Variants in DMD observed in about 807,000 individuals in gnomAD.
DMD encodes dystrophin.
A neutral mutation model predicts 330.1 loss-of-function variants in DMD; 63 were observed. That is an observed-to-expected ratio of 0.19 (90% CI 0.16 to 0.24). The LOEUF is 0.24. Ranked by LOEUF, DMD falls within the 10% of genes least tolerant of loss-of-function variation. The pLI is 1.00. For synonymous variants in DMD, 1,223 were observed against 959.8 expected (o/e 1.27, Z -5.07); for missense variants, 3,344 against 2,684.1 (o/e 1.25, Z -5.43).
At chrX:32,105,489 T>A (rs1383405157) in intron 44 of DMD, among the ~76,000 whole-genome samples, 1 of 112,250 alleles carries the variant, frequency 8.9e-6, no homozygotes, top group African/African-American at 3.2e-5. Flanking sequence ...GGTTTTAATT[T>A]GAGTTATTTC....
intron 1 of DMD, among the ~76,000 whole-genome samples, chrX:33,176,486 A>G (rs2049661275): frequency 9.0e-6 from 1 of 110,812 alleles, no homozygotes; most frequent in African/African-American, 3.3e-5. Context: ...ATGAAATAAA[A>G]GCTTCGGCTT....
intron 63 of DMD, among the ~76,000 whole-genome samples, chrX:31,243,176 T>C (rs1320142187): frequency 1.8e-5 from 2 of 112,384 alleles, no homozygotes; most frequent in African/African-American, 6.4e-5. Context: ...ATCTATGGTA[T>C]ACATGAGTCT....
chrX:32,746,532 A>G (rs1273887214), intron 7 of DMD, among the ~76,000 whole-genome samples: 2 of 111,808 alleles, frequency 1.8e-5, no homozygotes, highest in Non-Finnish European at 3.8e-5. Flanking sequence ...TTAGTATCTC[A>G]GGGAGTGAGA....
intron 41 of DMD, among the ~76,000 whole-genome samples, chrX:32,317,247 C>A (rs903216835): frequency 3.6e-5 from 4 of 110,925 alleles, no homozygotes; most frequent in African/African-American, 1.3e-4. Context: ...AATATACTAG[C>A]CTCATTTTCT....
intron 42 of DMD, among the ~76,000 whole-genome samples, chrX:32,292,894 C>T (rs1229768695): frequency 8.9e-6 from 1 of 112,174 alleles, no homozygotes; most frequent in African/African-American, 3.2e-5. Flanking sequence ...CAATGGGAAC[C>T]TTATAAAAAG....
chrX:31,967,479 T>G (rs1194631807), intron 45 of DMD, among the ~76,000 whole-genome samples: 1 of 109,801 alleles, frequency 9.1e-6, no homozygotes, highest in Non-Finnish European at 1.9e-5. Flanking sequence ...TCCAAAATCT[T>G]CTTTTTAATA....
At position 31,537,644 on chromosome X, in the gene DMD, T is replaced by C. The variant is rs753435200; in HGVS notation, c.8218-30191A>G. Among the ~76,000 whole-genome samples, 82 of 111,101 alleles carry C rather than the reference T, an allele frequency of 7.4e-4. 1 individual carries two copies. Among genetic ancestry groups the C allele is most frequent in the Non-Finnish European group, 1.5e-4 (8 of 52,989 alleles). ...TCTAGTCCCTTGAAATAACATGACA[T>C]GACTTTCTCACTTCCAGGCCTTTAT... On this transcript the variant is annotated intron_variant, in intron 55 of 78. Transcript: ENST00000357033.
intron 34 of DMD, among the ~76,000 whole-genome samples, chrX:32,370,924 C>T (rs763140640): frequency 2.9e-4 from 32 of 110,894 alleles, no homozygotes; most frequent in Non-Finnish European, 4.0e-4. Flanking sequence ...GCTTGAAATT[C>T]GCGGATCTTG....
At chrX:32,547,272 GTAATAT>G (rs1459931126) in intron 16 of DMD, among the ~76,000 whole-genome samples, 1 of 111,211 alleles carries the variant, frequency 9.0e-6, no homozygotes, top group East Asian at 2.8e-4. Context: ...ATTAATTTCT[GTAATAT>G]TAATATTTTC....
At position 31,132,603 on chromosome X, in the gene DMD, C is replaced by T. The variant is rs756094568; in HGVS notation, c.11014+1499G>A. Among the ~76,000 whole-genome samples the T allele has an allele frequency of 4.5e-5, 5 of 111,624 alleles. No individual in the cohort carries two copies. In the South Asian group the frequency reaches 1.1e-3, roughly 26 times the overall value. On this transcript the variant is annotated intron_variant, in intron 77 of 78. Coordinates refer to ENST00000357033, the MANE Select transcript of DMD (RefSeq NM_004006.3). ...GATCATACAGTAATCAATGATTGTACTGTGATTTGAATTTCTTTGGAGTTC... is the reference window on the plus strand; with the variant it reads ...GATCATACAGTAATCAATGATTGTATTGTGATTTGAATTTCTTTGGAGTTC...
At chrX:32,692,681 T>G (rs1444302557) in intron 9 of DMD, among the ~76,000 whole-genome samples, 1 of 112,109 alleles carries the variant, frequency 8.9e-6, no homozygotes, top group Non-Finnish European at 1.9e-5. Context: ...TCCTTTTCCT[T>G]AGAATCTTTT....
chrX:32,731,698 G>A (rs189725976), intron 7 of DMD, among the ~76,000 whole-genome samples: 362 of 111,635 alleles, frequency 3.2e-3, no homozygotes, highest in South Asian at 7.2e-3. Context: ...TGCAGCTGAG[G>A]GTCCTGTCTG....
chrX:31,126,802 G>GA, intron 77 of DMD, 129 bp from the exon 78 acceptor site: 35 of 152,777 alleles, frequency 2.3e-4, no homozygotes, highest in East Asian at 8.6e-4. Flanking sequence ...ATTCTCTGCT[G>GA]GAAAAAAAAA....
At chrX:32,296,857 T>C (rs1389692221) in intron 42 of DMD, among the ~76,000 whole-genome samples, 1 of 112,396 alleles carries the variant, frequency 8.9e-6, no homozygotes, top group East Asian at 2.8e-4. Context: ...GATATTCTGG[T>C]TTGAAATATA....
intron 11 of DMD, among the ~76,000 whole-genome samples, chrX:32,641,278 G>C (rs182937527): frequency 2.1e-4 from 23 of 109,428 alleles, no homozygotes; most frequent in Non-Finnish European, 4.0e-4. Flanking sequence ...AGCCTCTACA[G>C]AATATGTTTC....
intron 44 of DMD, among the ~76,000 whole-genome samples, chrX:32,023,071 T>G (rs915234844): frequency 9.0e-6 from 1 of 110,739 alleles, no homozygotes; most frequent in Non-Finnish European, 1.9e-5. Context: ...GACCTCATGA[T>G]CCGCCCGCCT....
intron 1 of DMD, among the ~76,000 whole-genome samples, chrX:33,240,261 T>C (rs1055373459): frequency 2.7e-5 from 3 of 111,870 alleles, no homozygotes; most frequent in Non-Finnish European, 5.6e-5. Flanking sequence ...ACCAACATTT[T>C]ATTCTCTACT....
At chrX:32,340,262 A>T (rs1010437027) in intron 41 of DMD, among the ~76,000 whole-genome samples, 8 of 111,923 alleles carry the variant, frequency 7.1e-5, no homozygotes, top group Non-Finnish European at 1.3e-4. Flanking sequence ...ATTATCATGG[A>T]TAATTAAGAG....
At chrX:32,376,990 G>A (rs933748672) in intron 34 of DMD, among the ~76,000 whole-genome samples, 1 of 111,420 alleles carries the variant, frequency 9.0e-6, no homozygotes, top group African/African-American at 3.3e-5. Context: ...TAAAACTTTT[G>A]TGTCACATGA....
Sources: gnomAD v4.1 joint callset for allele counts (sites outside exome capture counted in the v4.1 genomes callset) on GRCh38, gnomAD v4.1.1 for gene constraint, MANE v1.5 for transcripts, NCBI Gene and HGNC (gene_info 2026-07-23, HGNC 2026-07-21) for gene names.